TDP1: variants seen among roughly 807,000 people sequenced by gnomAD.
The protein encoded by TDP1 is tyrosyl-DNA phosphodiesterase 1, also known as tyr-DNA phosphodiesterase 1.
Under a neutral mutation model 81.5 loss-of-function variants are expected in TDP1, and 64 were observed. The ratio of observed to expected loss-of-function variants is 0.79; its 90% confidence interval spans 0.64 to 0.97. The LOEUF (loss-of-function observed/expected upper bound fraction) is 0.97. Ranked by LOEUF, TDP1 falls within the 50% of genes least tolerant of loss-of-function variation. The pLI is 0.00. For synonymous variants in TDP1, 256 were observed against 264.3 expected (o/e 0.97, Z 0.30); for missense variants, 723 against 743.8 (o/e 0.97, Z 0.33).
In TDP1 at chr14:90,019,378, G is replaced by T. The variant is rs113531329; in HGVS notation, c.1604G>T (p.Arg535Leu). 1 of 1,611,998 alleles carries T rather than the reference G, an allele frequency of 6.2e-7. No individual in the cohort carries two copies. Among genetic ancestry groups the T allele is most frequent in the Non-Finnish European group, 8.5e-7 (1 of 1,178,104 alleles). ...AAGAATGGCACCCAGCTGATGATCCGCTCCTACGAGCTCGGGGTCCTTTTC... is the reference window on the plus strand; with the variant it reads ...AAGAATGGCACCCAGCTGATGATCCTCTCCTACGAGCTCGGGGTCCTTTTC... ...LEKNGTQLMIRSYELGVLFLP... is the reference protein window; with the variant it reads ...LEKNGTQLMILSYELGVLFLP... The change falls in exon 15 of 17, where the codon CGC (arginine) becomes CTC (leucine). Residue 535 changes from arginine to leucine, a missense_variant. Physicochemically the swap from Arg to Leu is moderately radical, Grantham distance 102. Transcript: ENST00000335725.
At chr14:90,034,802 C>A (rs568646211) in intron 16 of TDP1, among the ~76,000 whole-genome samples, 2 of 152,220 alleles carry the variant, frequency 1.3e-5, no homozygotes, top group South Asian at 4.1e-4. Context: ...CTCATTGATA[C>A]CCCAAAATCT....
chr14:89,965,524 G>T (rs1176620830), intron 3 of TDP1, among the ~76,000 whole-genome samples: 1 of 152,186 alleles, frequency 6.6e-6, no homozygotes, highest in Non-Finnish European at 1.5e-5. Flanking sequence ...TGTAATGGAA[G>T]GTCACGATGA....
intron 7 of TDP1, among the ~76,000 whole-genome samples, chr14:89,977,920 T>A (rs1408351594): frequency 6.6e-6 from 1 of 152,232 alleles, no homozygotes; most frequent in Non-Finnish European, 1.5e-5. Context: ...ATGGGAAAGC[T>A]CTTTGGTTTC....
intron 16 of TDP1, among the ~76,000 whole-genome samples, chr14:90,033,984 T>C (rs977861342): frequency 2.0e-5 from 3 of 152,064 alleles, no homozygotes; most frequent in African/African-American, 7.2e-5. Context: ...GAAGAATCGC[T>C]TGAGCCCAGG....
At chr14:90,031,541 C>G (rs1887283805) in intron 15 of TDP1, among the ~76,000 whole-genome samples, 1 of 152,030 alleles carries the variant, frequency 6.6e-6, no homozygotes, top group African/African-American at 2.4e-5. Context: ...CTTGTAATCC[C>G]AGCTGCTCGG....
chr14:89,991,350 G>A (rs1441670933), intron 12 of TDP1, among the ~76,000 whole-genome samples: 1 of 152,160 alleles, frequency 6.6e-6, no homozygotes, highest in African/African-American at 2.4e-5. Flanking sequence ...TTTATAACTG[G>A]CTTTGAAACT....
At chr14:90,029,057 C>G (rs1886964423) in intron 15 of TDP1, among the ~76,000 whole-genome samples, 1 of 152,016 alleles carries the variant, frequency 6.6e-6, no homozygotes, top group African/African-American at 2.4e-5. Context: ...TCATCTTGAC[C>G]CTGCCTGCCT....
In TDP1 at chr14:89,963,651, C is replaced by T. The variant is rs35807866; in HGVS notation, c.537C>T (p.Asn179=). ...TRVSGVKPKY[N]SGALHIKDIL... ...TCTCTGGAGTTAAGCCAAAGTATAACTCTGGAGCCCTCCACATCAAGGGTA... is the reference window on the plus strand; with the variant it reads ...TCTCTGGAGTTAAGCCAAAGTATAATTCTGGAGCCCTCCACATCAAGGGTA... The change falls in exon 3 of 17, where the codon AAC becomes AAT. Residue 179 remains asparagine (N), a synonymous_variant. Transcript: ENST00000335725. 735 of 1,614,012 alleles carry T rather than the reference C, an allele frequency of 4.6e-4. 2 individuals carry two copies. In the African/African-American group the frequency reaches 8.9e-3, roughly 20 times the overall value.
In TDP1 at chr14:90,044,437, T is replaced by A. The variant is rs1888631140; in HGVS notation, c.*1294T>A. 2 of 152,210 alleles carry A rather than the reference T, an allele frequency of 1.3e-5. No individual in the cohort carries two copies. Among genetic ancestry groups the A allele is most frequent in the Non-Finnish European group, 2.9e-5 (2 of 68,046 alleles). 9.4% of individuals were successfully genotyped at this position (152,210 alleles called of 1,614,324 possible). A position where few individuals can be genotyped will look rare whatever the true frequency, so the allele number is the denominator to read the frequency against. On this transcript the variant is annotated 3_prime_UTR_variant, in exon 17 of 17. Coordinates refer to ENST00000335725, the MANE Select transcript of TDP1 (RefSeq NM_018319.4). ...TTTGTTTTCTTCTGCATGAGGCTGA[T>A]TTCCAGTTTGTCATCAACCTCTTTA...
At chr14:90,000,025 T>G (rs765699776) in intron 14 of TDP1, among the ~76,000 whole-genome samples, 1 of 152,162 alleles carries the variant, frequency 6.6e-6, no homozygotes, top group Non-Finnish European at 1.5e-5. Context: ...AATCAAGGCG[T>G]CAACCCAGCT....
chr14:90,037,898 A>C (rs1316493564), intron 16 of TDP1, among the ~76,000 whole-genome samples: 2 of 152,194 alleles, frequency 1.3e-5, no homozygotes, highest in Non-Finnish European at 2.9e-5. Context: ...ACAGTTCCAC[A>C]ATTTTTTGTT....
chr14:89,989,688 G>A (rs777899916), intron 11 of TDP1, 29 bp from the exon 12 acceptor site: 27 of 1,566,920 alleles, frequency 1.7e-5, no homozygotes, highest in East Asian at 6.7e-5. Context: ...GGTACATTCC[G>A]AGTTTTATTG....
chr14:89,970,924 C>T (rs942695394), intron 5 of TDP1: 7 of 238,836 alleles, frequency 2.9e-5, no homozygotes, highest in Middle Eastern at 2.1e-3. Flanking sequence ...CTGCAACCTT[C>T]ACCTCCCAGG....
At chr14:89,965,929 A>G (rs1316663290) in intron 3 of TDP1, 1 of 926,606 alleles carries the variant, frequency 1.1e-6, no homozygotes, top group Admixed American at 6.2e-5. Flanking sequence ...TTGGTTTTGC[A>G]TTGTTTTATA....
At position 89,979,312 on chromosome 14, in the gene TDP1, ATT is replaced by A. The variant is rs879808194; in HGVS notation, c.792-1214_792-1213del. 6.1e-3 allele frequency among the ~76,000 whole-genome samples: 885 copies of A among 144,684 alleles called. 4 individuals are homozygous for A. Among genetic ancestry groups the A allele is most frequent in the African/African-American group, 0.021 (839 of 39,692 alleles). The allele number at this position is 144,684 out of a possible 152,430, so 94.9% of individuals were successfully genotyped here. A position where few individuals can be genotyped will look rare whatever the true frequency, so the allele number is the denominator to read the frequency against. Reference sequence around the variant, plus strand: ...AGGTGAGAGTGTTTCACATTTAACAATTTTTTTTTTTTTTTGAGACAGAGTTT... The same window carrying A: ...AGGTGAGAGTGTTTCACATTTAACAATTTTTTTTTTTTTGAGACAGAGTTT... On this transcript the variant is annotated intron_variant, in intron 7 of 16. Coordinates refer to ENST00000335725, the MANE Select transcript of TDP1 (RefSeq NM_018319.4).
intron 2 of TDP1, among the ~76,000 whole-genome samples, chr14:89,961,105 A>AG (rs1442600954): frequency 4.6e-5 from 7 of 152,134 alleles, no homozygotes; most frequent in Non-Finnish European, 8.8e-5. Context: ...ATATTCACCA[A>AG]GGGGGGACAC....
At chr14:90,036,211 T>TA (rs1172014269) in intron 16 of TDP1, among the ~76,000 whole-genome samples, 2 of 152,220 alleles carry the variant, frequency 1.3e-5, no homozygotes, top group African/African-American at 4.8e-5. Context: ...TGGAGCATTT[T>TA]ATTTAATATT....
At chr14:90,014,863 G>A (rs111752253) in intron 14 of TDP1, among the ~76,000 whole-genome samples, 1,896 of 152,278 alleles carry the variant, frequency 0.012, 9 homozygotes, top group Non-Finnish European at 0.02. Flanking sequence ...AAGATGCTTG[G>A]AGCAGGGCTT....
intron 8 of TDP1, chr14:89,984,284 C>G (rs762946868): frequency 1.1e-5 from 11 of 985,298 alleles, no homozygotes; most frequent in Non-Finnish European, 1.2e-5. Flanking sequence ...TGGGCAGAGC[C>G]CAGGTCTTAC....
Sources: gnomAD v4.1 joint callset for allele counts (sites outside exome capture counted in the v4.1 genomes callset) on GRCh38, gnomAD v4.1.1 for gene constraint, MANE v1.5 for transcripts, NCBI Gene and HGNC (gene_info 2026-07-23, HGNC 2026-07-21) for gene names.